IL1RAPL2: variants seen among roughly 807,000 people sequenced by gnomAD.
IL1RAPL2 encodes the protein interleukin 1 receptor accessory protein like 2, also known as X-linked interleukin-1 receptor accessory protein-like 2.
Under a neutral mutation model 44.1 loss-of-function variants are expected in IL1RAPL2, and 3 were observed. That is an observed-to-expected ratio of 0.07 (90% CI 0.03 to 0.18). The LOEUF (loss-of-function observed/expected upper bound fraction) is 0.18. Among genes scored for constraint, IL1RAPL2 ranks in the 10% least tolerant of loss-of-function variants. IL1RAPL2 has a pLI of 1.00. For synonymous variants in IL1RAPL2, 181 were observed against 178.8 expected (o/e 1.01, Z -0.10); for missense variants, 391 against 496.4 (o/e 0.79, Z 2.02).
chrX:104,850,535 T>C (rs2147641755), intron 2 of IL1RAPL2, among the ~76,000 whole-genome samples: 1 of 112,033 alleles, frequency 8.9e-6, no homozygotes, highest in African/African-American at 3.2e-5. Flanking sequence ...TTCATAAACA[T>C]TTATCTAGGT....
intron 6 of IL1RAPL2, among the ~76,000 whole-genome samples, chrX:105,572,191 C>T (rs2147810885): frequency 9.0e-6 from 1 of 111,624 alleles, no homozygotes; most frequent in East Asian, 2.8e-4. Flanking sequence ...GAATACCCCT[C>T]CATGCTCTGG....
chrX:104,850,515 A>G (rs769155684), intron 2 of IL1RAPL2, among the ~76,000 whole-genome samples: 2 of 111,695 alleles, frequency 1.8e-5, no homozygotes, highest in East Asian at 5.6e-4. Flanking sequence ...GATCTATTTG[A>G]TCTGAGTCTT....
chrX:104,908,991 T>G (rs1569340064), intron 2 of IL1RAPL2, among the ~76,000 whole-genome samples: 2 of 110,526 alleles, frequency 1.8e-5, no homozygotes, highest in Admixed American at 1.9e-4. Flanking sequence ...CAATCAGACG[T>G]AGATTTGGTC....
chrX:105,412,316 A>G (rs1349112018), intron 5 of IL1RAPL2, among the ~76,000 whole-genome samples: 11 of 9,963 alleles, frequency 1.1e-3, no homozygotes, highest in Admixed American at 3.2e-3. Flanking sequence ...GTATATATAT[A>G]TATATATATA....
rs190711277 is a variant in IL1RAPL2, at chrX:104,768,090, C to T, written c.82+109095C>T. ...ATGATGTTTTGAAATAGGTATACAT[C>T]ATGGAATGTCTCAATTTAGCTAATT... is the stretch of plus-strand genomic sequence containing the variant. On this transcript the variant is annotated intron_variant, in intron 2 of 10. Transcript: ENST00000372582. Among the ~76,000 whole-genome samples, 150 of 111,634 alleles carry T rather than the reference C, an allele frequency of 1.3e-3. 1 individual carries two copies. Among genetic ancestry groups the T allele is most frequent in the African/African-American group, 4.5e-3 (138 of 30,789 alleles).
At position 105,006,564 on chromosome X, in the gene IL1RAPL2, A is replaced by T. The variant is rs1271119807; in HGVS notation, c.83-188911A>T. Among the ~76,000 whole-genome samples the T allele has an allele frequency of 3.6e-5, 4 of 111,284 alleles. 1 individual carries two copies. The South Asian group carries it at 1.1e-3, about 31-fold the overall frequency. On this transcript the variant is annotated intron_variant, in intron 2 of 10. Transcript: ENST00000372582. ...ATTTAGGCATTACATGTCAAGGAAG[A>T]TGCGAATGACTAATCCTAGAGTTCT...
chrX:105,178,046 AC>A (rs1404956479), intron 2 of IL1RAPL2, among the ~76,000 whole-genome samples: 1 of 111,577 alleles, frequency 9.0e-6, no homozygotes, highest in Non-Finnish European at 1.9e-5. Context: ...AGCTATAGTC[AC>A]CTTATTCTGC....
intron 6 of IL1RAPL2, among the ~76,000 whole-genome samples, chrX:105,534,586 A>G (rs963984198): frequency 6.3e-5 from 7 of 111,646 alleles, no homozygotes; most frequent in South Asian, 3.7e-4. Context: ...GGGAAGAATC[A>G]CGCTACTGAA....
At position 104,587,854 on chromosome X, in the gene IL1RAPL2, C is replaced by T. The variant is rs184302104; in HGVS notation, c.-20+20803C>T. Among the ~76,000 whole-genome samples, 8 of 111,716 alleles carry T rather than the reference C, an allele frequency of 7.2e-5. No individual in the cohort carries two copies. The South Asian group carries it at 1.1e-3, about 16-fold the overall frequency. Reference sequence around the variant, plus strand: ...TAGAAATAATAACTTTGACCATTATCGATAGCCAGCCAGCAGCCACAAGTA... The same window carrying T: ...TAGAAATAATAACTTTGACCATTATTGATAGCCAGCCAGCAGCCACAAGTA... On this transcript the variant is annotated intron_variant, in intron 1 of 10. Transcript: ENST00000372582.
chrX:105,657,350 A>G (rs1484385800), intron 6 of IL1RAPL2, among the ~76,000 whole-genome samples: 2 of 112,167 alleles, frequency 1.8e-5, no homozygotes, highest in Non-Finnish European at 3.8e-5. Flanking sequence ...CTGTGTGTCT[A>G]CTACCTACAG....
At chrX:105,116,054 C>T (rs371685541) in intron 2 of IL1RAPL2, among the ~76,000 whole-genome samples, 70 of 112,960 alleles carry the variant, frequency 6.2e-4, no homozygotes, top group African/African-American at 2.1e-3. Context: ...GGCCTGCAAG[C>T]GCGTGCGCAG....
intron 2 of IL1RAPL2, among the ~76,000 whole-genome samples, chrX:104,971,060 C>T (rs761661134): frequency 2.4e-4 from 27 of 111,985 alleles, no homozygotes; most frequent in African/African-American, 8.8e-4. Flanking sequence ...ATTAAAGGCC[C>T]TACGAGGCCG....
chrX:105,194,184 G>A (rs1556139106), intron 2 of IL1RAPL2, among the ~76,000 whole-genome samples: 1 of 111,831 alleles, frequency 8.9e-6, no homozygotes, highest in Non-Finnish European at 1.9e-5. Context: ...AAATCCTGAG[G>A]TAAGATAGTT....
At chrX:105,732,865 C>G (rs1035720674) in intron 7 of IL1RAPL2, among the ~76,000 whole-genome samples, 24 of 111,270 alleles carry the variant, frequency 2.2e-4, no homozygotes, top group Admixed American at 1.5e-3. Flanking sequence ...GCTATAATTA[C>G]CAAATACATG....
intron 6 of IL1RAPL2, among the ~76,000 whole-genome samples, chrX:105,638,495 C>T (rs1268315129): frequency 9.0e-6 from 1 of 110,895 alleles, no homozygotes; most frequent in Non-Finnish European, 1.9e-5. Flanking sequence ...CCACATTAGC[C>T]CTGCAATGCG....
chrX:104,865,571 G>A (rs1431438434), intron 2 of IL1RAPL2, among the ~76,000 whole-genome samples: 1 of 111,766 alleles, frequency 8.9e-6, no homozygotes, highest in East Asian at 2.8e-4. Context: ...TGAGTCAGTG[G>A]ACTGGAAGAA....
chrX:105,517,959 G>A (rs2213338), intron 6 of IL1RAPL2, among the ~76,000 whole-genome samples: 7,947 of 111,036 alleles, frequency 0.072, 438 homozygotes, highest in African/African-American at 0.19. Context: ...AAGGAGAAAG[G>A]GATGCCTAAT....
chrX:104,574,170 A>G (rs1928200872), intron 1 of IL1RAPL2, among the ~76,000 whole-genome samples: 1 of 111,599 alleles, frequency 9.0e-6, no homozygotes. Context: ...AAAAGTCTTT[A>G]TGGTAAAAAA....
At chrX:104,811,053 C>T (rs12389794) in intron 2 of IL1RAPL2, among the ~76,000 whole-genome samples, 5,958 of 111,799 alleles carry the variant, frequency 0.053, 409 homozygotes, top group African/African-American at 0.19. Context: ...TATAGCTTTC[C>T]ACTCCTCAGG....
Sources: allele counts gnomAD v4.1 joint callset (sites outside exome capture counted in the v4.1 genomes callset), GRCh38; gene constraint gnomAD v4.1.1; transcripts MANE v1.5; gene names NCBI Gene and HGNC (gene_info 2026-07-23, HGNC 2026-07-21).